The following DDX11 variants were observed in gnomAD, a reference collection of about 807,000 sequenced individuals.
The protein encoded by DDX11 is ATP-dependent DNA helicase DDX11.
In DDX11, 72 loss-of-function variants were observed where a neutral mutation model predicts 125.2. The ratio of observed to expected loss-of-function variants is 0.58; its 90% confidence interval spans 0.48 to 0.70. DDX11 has a LOEUF of 0.70. Among genes scored for constraint, DDX11 ranks in the 30% least tolerant of loss-of-function variants. The pLI, the probability that DDX11 is intolerant of heterozygous loss-of-function variation, is 0.00. For synonymous variants in DDX11, 347 were observed against 452.6 expected (o/e 0.77, Z 2.96); for missense variants, 883 against 1,165.0 (o/e 0.76, Z 3.52).
At chr12:31,085,629 G>A (rs1565866379) in intron 5 of DDX11, among the ~76,000 whole-genome samples, 1 of 152,188 alleles carries the variant, frequency 6.6e-6, no homozygotes, top group Non-Finnish European at 1.5e-5. Context: ...GAGCTGCTGG[G>A]TGACTTAGCC....
At chr12:31,075,058 A>T (rs1008421220) in intron 1 of DDX11, among the ~76,000 whole-genome samples, 2 of 152,022 alleles carry the variant, frequency 1.3e-5, no homozygotes, top group Non-Finnish European at 2.9e-5. Flanking sequence ...TGCTTTCACA[A>T]CTCTAACCTC....
At position 31,084,795 on chromosome 12, in the gene DDX11, C is replaced by T. The variant is rs1317100470; in HGVS notation, c.480+126C>T. Reference sequence around the variant, plus strand: ...CCCTCACTGGCTATGTGCTCCCGTACAGAAGCTGGGCTGTGAGTGGTTGAG... The same window carrying T: ...CCCTCACTGGCTATGTGCTCCCGTATAGAAGCTGGGCTGTGAGTGGTTGAG... On this transcript the variant is annotated intron_variant, in intron 4 of 26. Coordinates refer to ENST00000542838, the MANE Select transcript of DDX11 (RefSeq NM_030653.4). 4 of 1,039,174 alleles carry T rather than the reference C, an allele frequency of 3.8e-6. No individual in the cohort carries two copies. In the African/African-American group the frequency reaches 6.4e-5, roughly 17 times the overall value. 64.4% of individuals were successfully genotyped at this position (1,039,174 alleles called of 1,614,324 possible). A position where few individuals can be genotyped will look rare whatever the true frequency, so the allele number is the denominator to read the frequency against.
At chr12:31,089,624 T>C in intron 8 of DDX11, 134 bp downstream of exon 8, 1 of 1,068,348 alleles carries the variant, frequency 9.4e-7, no homozygotes, top group Non-Finnish European at 1.4e-6. Context: ...CTGAGTCCCC[T>C]CTCCTTGGGA....
Position 31,091,761 on chromosome 12 carries a change from C to T in DDX11, c.1132C>T (p.Arg378Trp), listed in dbSNP as rs752674196. The T allele has an allele frequency of 1.4e-5, 22 of 1,613,566 alleles. No homozygotes were observed. Among genetic ancestry groups the T allele is most frequent in the Admixed American group, 1.2e-4 (7 of 60,000 alleles). Residue 378 changes from arginine (R) to tryptophan (W), a missense_variant, in exon 10 of 27, where the codon CGG becomes TGG. Arg to Trp is a moderately radical substitution (Grantham distance 101). This residue lies in a region of DDX11 where 72 missense variants were observed against 159.7 expected (regional missense o/e 0.45). Transcript: ENST00000542838. ...TCAGATGCTGCTGCATGCGGCCACT[C>T]GGCAGGCCGCGGGCATCCGGCTGCA... Reference protein sequence around the residue: ...PYQMLLHAATRQAAGIRLQDQ... With the variant: ...PYQMLLHAATWQAAGIRLQDQ...
At chr12:31,078,252 A>G in intron 1 of DDX11, 138 bp from the exon 2 acceptor site, 10 of 1,579,380 alleles carry the variant, frequency 6.3e-6, no homozygotes, top group Non-Finnish European at 8.6e-6. Context: ...GATGGAGAGA[A>G]CATGGTCTCT....
At position 31,073,890 on chromosome 12, in the gene DDX11, C is replaced by T. The variant is rs1300736977; in HGVS notation, c.-206C>T. On this transcript the variant is annotated 5_prime_UTR_variant, in exon 1 of 27. Transcript: ENST00000542838. ...TCCGGCTGCCTTTCACTGAGGGGAC[C>T]CGCCAGTTTCTAACTCAGTGGCGTT... 5 of 152,272 alleles carry T rather than the reference C, an allele frequency of 3.3e-5. No homozygotes were observed. Among genetic ancestry groups the T allele is most frequent in the Admixed American group, 2.0e-4 (3 of 15,292 alleles). 9.4% of individuals were successfully genotyped at this position (152,272 alleles called of 1,614,324 possible). A position where few individuals can be genotyped will look rare whatever the true frequency, so the allele number is the denominator to read the frequency against.
chr12:31,103,927 C>T lies in DDX11; in HGVS notation c.*91C>T. ...GTCGTGGGCGTGGTCTGCGGGGATC[C>T]TGTTACAAAGGTGAAACCCAGGAGG... On this transcript the variant is annotated 3_prime_UTR_variant, in exon 27 of 27. Transcript: ENST00000542838. The T allele has an allele frequency of 6.2e-7, 1 of 1,613,424 alleles. No individual in the cohort carries two copies. Among genetic ancestry groups the T allele is most frequent in the Non-Finnish European group, 8.5e-7 (1 of 1,179,692 alleles).
At chr12:31,090,912 G>A (rs1216258676) in intron 9 of DDX11, 1 of 152,526 alleles carries the variant, frequency 6.6e-6, no homozygotes, top group Middle Eastern at 3.2e-3. Flanking sequence ...CCTCCCGTCT[G>A]TTTGCCTTTA....
chr12:31,101,129 T>C lies in DDX11; in HGVS notation c.2051T>C (p.Met684Thr). 1 of 1,613,994 alleles carries C rather than the reference T, an allele frequency of 6.2e-7. No homozygotes were observed. Among genetic ancestry groups the C allele is most frequent in the Non-Finnish European group, 8.5e-7 (1 of 1,179,856 alleles). The stretch of plus-strand genomic sequence containing the variant: ...TTCCAGAAAAGAGAGCTGCCTCAGA[T>C]GGTCAGTCCCAGCCAGCTCGCCGCA... Reference protein sequence around the residue: ...FTFQKRELPQMMDEVGRILCN... With the variant: ...FTFQKRELPQTMDEVGRILCN... Residue 684 changes from methionine to threonine, a missense_variant and splice_region_variant, in exon 20 of 27, where the codon ATG (methionine) becomes ACG (threonine). This residue lies in a region of DDX11 where 285 missense variants were observed against 346.0 expected (regional missense o/e 0.82). Coordinates refer to ENST00000542838, the MANE Select transcript of DDX11 (RefSeq NM_030653.4).
At chr12:31,101,579 G>A in intron 20 of DDX11, 1 of 554,302 alleles carries the variant, frequency 1.8e-6, no homozygotes, top group East Asian at 3.2e-5. Flanking sequence ...GGGCAATAGG[G>A]AGGCCCCCTA....
rs1267203179 is a variant in DDX11 at position 31,101,022 on chromosome 12, A to G, written c.1949-5A>G. On this transcript the variant is annotated splice_region_variant and splice_polypyrimidine_tract_variant and intron_variant, in intron 19 of 26. Coordinates refer to ENST00000542838, the MANE Select transcript of DDX11 (RefSeq NM_030653.4). ...AGTTTTCGGCCCCTCCCTGGCTCTT[A>G]CCAGGTCACGTGATCCCTCCAGACA... 1 of 1,612,482 alleles carries G rather than the reference A, an allele frequency of 6.2e-7. No individual in the cohort carries two copies. Among genetic ancestry groups the G allele is most frequent in the Non-Finnish European group, 8.5e-7 (1 of 1,178,534 alleles).
In DDX11 at chr12:31,094,756, G is replaced by A. The variant is rs774698868; in HGVS notation, c.1416G>A (p.Gly472=). 6.2e-7 allele frequency: 1 copy of A among 1,612,660 alleles called. No homozygotes were observed. The highest frequency in any genetic ancestry group is 8.5e-7 in the Non-Finnish European group (1 of 1,178,718). The part of the protein sequence containing the change: ...NPNTQSLSQT[G]TELKTINDFL... ...GGCCCTTCATGTGTTTGTTCTCAGG[G>A]ACGGAGCTGAAGACCATCAACGACT... Residue 472 remains glycine, a splice_region_variant and synonymous_variant, in exon 14 of 27, where the codon GGG becomes GGA. Coordinates refer to ENST00000542838, the MANE Select transcript of DDX11 (RefSeq NM_030653.4).
rs188252230 is a variant in DDX11, at chr12:31,085,533, A to T, written c.638+407A>T. On this transcript the variant is annotated intron_variant, in intron 5 of 26. Coordinates refer to ENST00000542838, the MANE Select transcript of DDX11 (RefSeq NM_030653.4). ...GCACTGGGTAACCTGTGAGGTGCCA[A>T]CCATCAAGGCGTCCTTAGCCTGAGC... 3.3e-3 allele frequency among the ~76,000 whole-genome samples: 507 copies of T among 152,336 alleles called. 1 individual carries two copies. The highest frequency in any genetic ancestry group is 0.011 in the African/African-American group (476 of 41,576).
At chr12:31,096,125 C>G (rs560615523) in intron 14 of DDX11, among the ~76,000 whole-genome samples, 1 of 152,132 alleles carries the variant, frequency 6.6e-6, no homozygotes, top group East Asian at 1.9e-4. Context: ...GGTCTCCACC[C>G]TGAGGAGGAC....
intron 15 of DDX11, 44 bp from the exon 16 acceptor site, chr12:31,096,593 G>A: frequency 1.9e-6 from 3 of 1,606,714 alleles, no homozygotes; most frequent in Non-Finnish European, 2.5e-6. Flanking sequence ...CTCTCTCATG[G>A]CTGTACCTCG....
Position 31,089,158 on chromosome 12 carries a change from A to G in DDX11, c.792+7A>G. 1.9e-6 allele frequency: 3 copies of G among 1,611,574 alleles called. No homozygotes were observed. Among genetic ancestry groups the G allele is most frequent in the South Asian group, 1.1e-5 (1 of 91,020 alleles). On this transcript the variant is annotated splice_region_variant and intron_variant, in intron 7 of 26. Coordinates refer to ENST00000542838, the MANE Select transcript of DDX11 (RefSeq NM_030653.4). ...CTCCCTTGGCTCCCGGCAGGTAAACAGTAGCCAGTATTTCCACCAGGGGCC... is the reference window on the plus strand; with the variant it reads ...CTCCCTTGGCTCCCGGCAGGTAAACGGTAGCCAGTATTTCCACCAGGGGCC...
chr12:31,102,826 TCA>T (rs1232242161), intron 23 of DDX11, 108 bp from the exon 24 acceptor site: 5 of 905,030 alleles, frequency 5.5e-6, no homozygotes, highest in Non-Finnish European at 6.9e-6. Context: ...TGAGTTTTGA[TCA>T]CAGTCGGAGA....
At chr12:31,078,837 G>A (rs1592570275) in intron 2 of DDX11, among the ~76,000 whole-genome samples, 2 of 152,128 alleles carry the variant, frequency 1.3e-5, no homozygotes, top group South Asian at 2.1e-4. Flanking sequence ...ACAGGTGCCC[G>A]CCGCCACGCC....
chr12:31,100,818 G>A (rs1340331064), intron 19 of DDX11, 111 bp downstream of exon 19: 2 of 1,276,552 alleles, frequency 1.6e-6, no homozygotes, highest in Non-Finnish European at 2.2e-6. Flanking sequence ...GAGACCCCGG[G>A]GTGGGAGCCT....
Sources: allele counts gnomAD v4.1 joint callset (sites outside exome capture counted in the v4.1 genomes callset), GRCh38; gene constraint gnomAD v4.1.1; regional missense constraint gnomAD v4.1.1; transcripts MANE v1.5; gene names NCBI Gene and HGNC (gene_info 2026-07-23, HGNC 2026-07-21).